ERC1: variants seen among roughly 807,000 people sequenced by gnomAD.
ERC1 encodes ELKS/RAB6-interacting/CAST family member 1.
Under a neutral mutation model 132.0 loss-of-function variants are expected in ERC1, and 56 were observed. That is an observed-to-expected ratio of 0.42 (90% CI 0.34 to 0.53). The LOEUF is 0.53. Ranked by LOEUF, ERC1 falls within the 20% of genes least tolerant of loss-of-function variation. The pLI is 0.03. For synonymous variants in ERC1, 478 were observed against 476.1 expected, an observed-to-expected ratio of 1.00 and a Z score of -0.05; for missense variants, 1,202 against 1,349.9, an observed-to-expected ratio of 0.89 and a Z score of 1.72.
intron 14 of ERC1, among the ~76,000 whole-genome samples, chr12:1,264,157 T>G (rs1024948523): frequency 3.9e-5 from 6 of 152,228 alleles, no homozygotes; most frequent in African/African-American, 1.4e-4. Context: ...GAGTCCCAGA[T>G]AAGCAGCCTC....
At chr12:1,010,992 C>A (rs1433125244) in intron 1 of ERC1, among the ~76,000 whole-genome samples, 3 of 151,964 alleles carry the variant, frequency 2.0e-5, no homozygotes, top group African/African-American at 7.3e-5. Flanking sequence ...TTCAGTAGAC[C>A]CACTCAGGTC....
At chr12:1,482,790 A>G (rs2094118741) in intron 18 of ERC1, among the ~76,000 whole-genome samples, 1 of 151,618 alleles carries the variant, frequency 6.6e-6, no homozygotes. Context: ...CATACATACA[A>G]CTCACCCATT....
chr12:1,130,545 T>G (rs1224093500), intron 7 of ERC1, among the ~76,000 whole-genome samples: 5 of 152,212 alleles, frequency 3.3e-5, no homozygotes, highest in Non-Finnish European at 4.4e-5. Flanking sequence ...ATACTGTGTC[T>G]TCTTTGTCTG....
At chr12:1,208,331 C>T (rs1381020122) in intron 12 of ERC1, among the ~76,000 whole-genome samples, 1 of 142,572 alleles carries the variant, frequency 7.0e-6, no homozygotes, top group East Asian at 1.9e-4. Flanking sequence ...TGTAAACTTA[C>T]TTAAAACATT....
intron 14 of ERC1, among the ~76,000 whole-genome samples, chr12:1,280,756 A>G (rs1409003306): frequency 6.6e-6 from 1 of 152,230 alleles, no homozygotes; most frequent in African/African-American, 2.4e-5. Flanking sequence ...ACATACATAC[A>G]CATATTATAC....
At chr12:1,016,032 AATTT>A (rs1965450497) in intron 1 of ERC1, among the ~76,000 whole-genome samples, 1 of 151,266 alleles carries the variant, frequency 6.6e-6, no homozygotes, top group Non-Finnish European at 1.5e-5. Context: ...TTTATGTCAG[AATTT>A]CACATATAAT....
chr12:1,446,682 GTACT>G (rs1298725141), intron 18 of ERC1, among the ~76,000 whole-genome samples: 1 of 152,192 alleles, frequency 6.6e-6, no homozygotes, highest in Non-Finnish European at 1.5e-5. Context: ...CCTTAGAGCT[GTACT>G]TACTTTCCCG....
At chr12:1,232,193 C>T (rs1403073215) in intron 12 of ERC1, among the ~76,000 whole-genome samples, 3 of 152,218 alleles carry the variant, frequency 2.0e-5, no homozygotes, top group East Asian at 1.9e-4. Context: ...ATGTGTGTTG[C>T]GGGTTTCCTT....
At chr12:1,332,864 T>G (rs1440009402) in intron 15 of ERC1, among the ~76,000 whole-genome samples, 2 of 152,182 alleles carry the variant, frequency 1.3e-5, no homozygotes, top group Non-Finnish European at 2.9e-5. Flanking sequence ...CCATTGCAGC[T>G]ATTCAAAATA....
chr12:1,056,950 G>T (rs972205427), intron 2 of ERC1, among the ~76,000 whole-genome samples: 2 of 152,040 alleles, frequency 1.3e-5, no homozygotes, highest in Non-Finnish European at 2.9e-5. Flanking sequence ...TCTACCTCCT[G>T]TATCAATGAT....
At chr12:1,292,225 A>G (rs2079504970) in intron 15 of ERC1, among the ~76,000 whole-genome samples, 1 of 152,154 alleles carries the variant, frequency 6.6e-6, no homozygotes, top group Admixed American at 6.5e-5. Context: ...TAAGCTGTGA[A>G]TTTGACTGCC....
At chr12:1,225,449 TAC>T (rs67132193) in intron 12 of ERC1, among the ~76,000 whole-genome samples, 11,862 of 131,418 alleles carry the variant, frequency 0.09, 548 homozygotes, top group South Asian at 0.14. Context: ...GGCTGTCTCT[TAC>T]ACACACACAC....
At position 1,083,412 on chromosome 12, in the gene ERC1, T is replaced by A; in HGVS notation, c.918T>A (p.Asp306Glu). The change falls in exon 3 of 19, where the codon GAT becomes GAA. Residue 306 changes from aspartate to glutamate, a missense_variant. By Grantham distance (45) the Asp-to-Glu change is conservative. Transcript: ENST00000360905. ...ETQKQTLNAR[D>E]ESIKKLLEML... ...AAAAGCAGACCCTAAATGCTCGGGA[T>A]GAATCCATTAAGAAGCTTCTGGAAA... The A allele has an allele frequency of 6.2e-7, 1 of 1,614,218 alleles. No homozygotes were observed. The highest frequency in any genetic ancestry group is 1.1e-5 in the South Asian group (1 of 91,082).
At chr12:1,131,717 G>C (rs1215169897) in intron 7 of ERC1, among the ~76,000 whole-genome samples, 2 of 152,112 alleles carry the variant, frequency 1.3e-5, no homozygotes, top group Non-Finnish European at 2.9e-5. Flanking sequence ...CGCCCCCTTG[G>C]CCTCCCAAAG....
At position 1,121,679 on chromosome 12, in the gene ERC1, C is replaced by CTGTGCCTATTGATA. The variant is rs1353814647; in HGVS notation, c.1569+5647_1569+5648insGTGCCTATTGATAT. 2.9e-5 allele frequency among the ~76,000 whole-genome samples: 2 copies of CTGTGCCTATTGATA among 69,286 alleles called. 1 individual carries two copies. Among genetic ancestry groups the CTGTGCCTATTGATA allele is most frequent in the Non-Finnish European group, 6.1e-5 (2 of 32,688 alleles). The allele number at this position is 69,286 out of a possible 152,430, so 45.5% of individuals were successfully genotyped here. On this transcript the variant is annotated intron_variant, in intron 7 of 18. Transcript: ENST00000360905. ...TCTCTATCTCTATCTCTATCTCTATCTATCTCTATCTCTATCTCTATCTCT... is the reference window on the plus strand; with the variant it reads ...TCTCTATCTCTATCTCTATCTCTATCTGTGCCTATTGATATATCTCTATCTCTATCTCTATCTCT...
intron 1 of ERC1, among the ~76,000 whole-genome samples, chr12:1,020,389 G>C (rs556742732): frequency 1.3e-5 from 2 of 152,276 alleles, no homozygotes; most frequent in South Asian, 4.1e-4. Flanking sequence ...CCTGGGAGAC[G>C]GAGGTTGCAG....
chr12:1,112,347 G>T, intron 6 of ERC1, 49 bp downstream of exon 6: 1 of 1,348,792 alleles, frequency 7.4e-7, no homozygotes, highest in African/African-American at 1.4e-5. Flanking sequence ...CCCACAGTGG[G>T]ACCCTGCTAG....
chr12:1,256,552 T>C (rs1202563381), intron 13 of ERC1, among the ~76,000 whole-genome samples: 1 of 150,864 alleles, frequency 6.6e-6, no homozygotes, highest in African/African-American at 2.5e-5. Context: ...TCAGCTGAAC[T>C]TTGATGATTG....
At chr12:1,103,124 G>A (rs991821800) in intron 3 of ERC1, among the ~76,000 whole-genome samples, 13 of 152,170 alleles carry the variant, frequency 8.5e-5, no homozygotes, top group African/African-American at 2.4e-4. Flanking sequence ...CTTGCATAGC[G>A]ACAATGGCAT....
Sources: allele counts gnomAD v4.1 joint callset (sites outside exome capture counted in the v4.1 genomes callset), GRCh38; gene constraint gnomAD v4.1.1; transcripts MANE v1.5; gene names NCBI Gene and HGNC (gene_info 2026-07-23, HGNC 2026-07-21).